Variants in PLTP observed in about 807,000 individuals in gnomAD.
PLTP encodes BPI fold containing family E.
PLTP carries 43 observed loss-of-function variants against 54.1 expected under a neutral mutation model. The observed-to-expected ratio is 0.79, with a 90% confidence interval of 0.62 to 1.02. The LOEUF (loss-of-function observed/expected upper bound fraction) is 1.02, where lower values mean the gene tolerates loss of function less well. Among genes scored for constraint, PLTP ranks in the 50% least tolerant of loss-of-function variants. The probability of loss-of-function intolerance (pLI) is 0.00; values close to 1 mark genes in which losing one functional copy is unlikely to be tolerated. For synonymous variants in PLTP, 263 were observed against 264.6 expected (o/e 0.99, Z 0.06); for missense variants, 604 against 645.9 (o/e 0.94, Z 0.70).
intron 10 of PLTP, 87 bp downstream of exon 10, chr20:45,904,713 G>A (rs531104451): frequency 3.4e-5 from 42 of 1,221,322 alleles, no homozygotes; most frequent in Admixed American, 6.7e-5. Flanking sequence ...CCCTGTCTGC[G>A]TGGCTGCCAC....
chr20:45,902,978 A>C (rs1207183650), intron 10 of PLTP, among the ~76,000 whole-genome samples: 1 of 152,040 alleles, frequency 6.6e-6, no homozygotes, highest in East Asian at 1.9e-4. Context: ...ATCTCGGCTC[A>C]CTGCAACTCT....
At chr20:45,906,133 C>T in intron 8 of PLTP, 135 bp downstream of exon 8, 1 of 724,878 alleles carries the variant, frequency 1.4e-6, no homozygotes, top group Non-Finnish European at 2.5e-6. Flanking sequence ...TCTGTAGTAA[C>T]AGGGAGCCAT....
chr20:45,899,159 A>G (rs2083148656), intron 15 of PLTP, 96 bp from the exon 16 acceptor site: 2 of 1,516,082 alleles, frequency 1.3e-6, no homozygotes, highest in South Asian at 1.1e-5. Context: ...CAGGAACTCA[A>G]TCTAATGGAT....
intron 12 of PLTP, among the ~76,000 whole-genome samples, chr20:45,901,174 CTATT>C (rs1171322064): frequency 3.9e-5 from 6 of 152,194 alleles, no homozygotes; most frequent in South Asian, 2.1e-4. Context: ...AACTGAAAAA[CTATT>C]TAATTATAAT....
rs2083227010 is a variant in PLTP, at chr20:45,905,074, G to C, written c.750C>G (p.Asn250Lys). Residue 250 changes from asparagine to lysine, a missense_variant, in exon 9 of 16, where the codon AAC (asparagine) becomes AAG (lysine). Transcript: ENST00000372431. Reference sequence around the variant, plus strand: ...CCTGCAGCTGGGGCTCCACTGCCCGGTTGGGGAGGCTCCAGTTCCTCTCAG... The same window carrying C: ...CCTGCAGCTGGGGCTCCACTGCCCGCTTGGGGAGGCTCCAGTTCCTCTCAG... ...PLTERNWSLP[N>K]RAVEPQLQEE... is the part of the protein sequence containing the mutation. 6.2e-7 allele frequency: 1 copy of C among 1,614,100 alleles called. No individual in the cohort carries two copies. The highest frequency in any genetic ancestry group is 1.3e-5 in the African/African-American group (1 of 74,946).
At chr20:45,909,130 A>T (rs1454099429) in intron 5 of PLTP, among the ~76,000 whole-genome samples, 2 of 151,778 alleles carry the variant, frequency 1.3e-5, no homozygotes, top group African/African-American at 4.8e-5. Flanking sequence ...ACGCCCAGCT[A>T]ATTTTTGTAT....
chr20:45,903,063 C>T (rs776317193), intron 10 of PLTP, among the ~76,000 whole-genome samples: 2 of 152,134 alleles, frequency 1.3e-5, no homozygotes, highest in South Asian at 2.1e-4. Flanking sequence ...CCGCCATGCC[C>T]GGCTAAGTTT....
At position 45,911,416 on chromosome 20, in the gene PLTP, C is replaced by T; in HGVS notation, c.37G>A (p.Ala13Thr). ...LFGALFLALLAGAHAEFPGCK... is the reference protein window; with the variant it reads ...LFGALFLALLTGAHAEFPGCK... The stretch of plus-strand genomic sequence containing the variant: ...CCTGGGAACTCTGCATGTGCGCCTG[C>T]CAGCAGCGCTAGGAAGAGGGCCCCG... The change falls in exon 2 of 16, where the codon GCA becomes ACA. Residue 13 changes from alanine (A) to threonine (T), a missense_variant. By Grantham distance (58) the Ala-to-Thr change is moderately conservative (BLOSUM62 0). Transcript: ENST00000372431. 3 of 1,608,090 alleles carry T rather than the reference C, an allele frequency of 1.9e-6. No individual in the cohort carries two copies. The South Asian group carries it at 3.3e-5, about 18-fold the overall frequency.
chr20:45,911,041 C>T lies in PLTP; in HGVS notation c.200+111G>A, dbSNP rs1027023759. The T allele has an allele frequency of 1.0e-5, 16 of 1,606,754 alleles. No individual in the cohort carries two copies. In the African/African-American group the frequency reaches 2.1e-4, roughly 22 times the overall value. ...CTTAAGTCTTGCCTCATCGATTTGGCCACGCCCCATCCCACTCAGCCTCCA... is the reference window on the plus strand; with the variant it reads ...CTTAAGTCTTGCCTCATCGATTTGGTCACGCCCCATCCCACTCAGCCTCCA... On this transcript the variant is annotated intron_variant, in intron 3 of 15. Transcript: ENST00000372431.
chr20:45,904,857 C>A lies in PLTP; in HGVS notation c.885G>T (p.Val295=), dbSNP rs200706929. Residue 295 remains valine, a splice_region_variant and synonymous_variant, in exon 10 of 16, where the codon GTG becomes GTT. Coordinates refer to ENST00000372431, the MANE Select transcript of PLTP (RefSeq NM_006227.4). ...TCAGCAGCATGTCCAGGTCGTGGGGCACCTGAACAGGGGAATCAGGAGTGA... is the reference window on the plus strand; with the variant it reads ...TCAGCAGCATGTCCAGGTCGTGGGGAACCTGAACAGGGGAATCAGGAGTGA... ...ALQLLLVGDK[V]PHDLDMLLRA... The A allele has an allele frequency of 3.1e-6, 5 of 1,614,232 alleles. No homozygotes were observed. In the South Asian group the frequency reaches 4.4e-5, roughly 14 times the overall value.
chr20:45,902,753 C>G, intron 10 of PLTP, 149 bp from the exon 11 acceptor site: 1 of 747,916 alleles, frequency 1.3e-6, no homozygotes. Flanking sequence ...CCAAAACTCT[C>G]ACATCTGCAT....
rs182980523 is a variant in PLTP at position 45,906,845 on chromosome 20, T to C, written c.614-486A>G. On this transcript the variant is annotated intron_variant, in intron 7 of 15. Transcript: ENST00000372431. ...GGTGGAGGTTGCAGGGAGCCAGGAT[T>C]GCACCACTGCACTCCAGCCTGGGTG... 8.0e-4 allele frequency among the ~76,000 whole-genome samples: 78 copies of C among 98,048 alleles called. 5 individuals carry two copies. The highest frequency in any genetic ancestry group is 2.5e-3 in the African/African-American group (76 of 30,984). 64.3% of individuals were successfully genotyped at this position (98,048 alleles called of 152,430 possible). A position where few individuals can be genotyped will look rare whatever the true frequency, so the allele number is the denominator to read the frequency against.
chr20:45,910,795 T>C, intron 3 of PLTP: 1 of 1,182,064 alleles, frequency 8.5e-7, no homozygotes, highest in Non-Finnish European at 1.1e-6. Flanking sequence ...AGCCTTCAGT[T>C]TCTCCACCCC....
chr20:45,910,964 T>C (rs1390781729), intron 3 of PLTP, 188 bp downstream of exon 3: 1 of 1,474,916 alleles, frequency 6.8e-7, no homozygotes. Context: ...ATCTGCCTGG[T>C]CCCGCCTATG....
chr20:45,911,109 CCGAGGCCCCGCCCCGGATCG>C (rs763329388), intron 3 of PLTP, 23 bp downstream of exon 3: 45 of 1,610,640 alleles, frequency 2.8e-5, no homozygotes, highest in East Asian at 4.5e-5. Context: ...GCCTCCACCG[CCGAGGCCCCGCCCCGGATCG>C]CGAGGCCCCG....
chr20:45,911,198 G>T lies in PLTP; in HGVS notation c.154C>A (p.Pro52Thr). 1 of 1,614,176 alleles carries T rather than the reference G, an allele frequency of 6.2e-7. No individual in the cohort carries two copies. The highest frequency in any genetic ancestry group is 8.5e-7 in the Non-Finnish European group (1 of 1,180,016). Reference protein sequence around the residue: ...LEQELETITIPDLRGKEGHFY... With the variant: ...LEQELETITITDLRGKEGHFY... ...TGGCCTTCTTTGCCCCGCAGGTCCG[G>T]AATGGTGATAGTCTCCAGCTCTTGC... Residue 52 changes from proline to threonine, a missense_variant, in exon 3 of 16, where the codon CCG (proline) becomes ACG (threonine). Coordinates refer to ENST00000372431, the MANE Select transcript of PLTP (RefSeq NM_006227.4).
In PLTP at chr20:45,898,754, C is replaced by A; in HGVS notation, c.*187G>T. 1.4e-6 allele frequency: 1 copy of A among 734,396 alleles called. No individual in the cohort carries two copies. Among genetic ancestry groups the A allele is most frequent in the Non-Finnish European group, 2.2e-6 (1 of 451,684 alleles). 45.5% of individuals were successfully genotyped at this position (734,396 alleles called of 1,614,324 possible). ...ACCCAACAGAGCTCAGGACAGCCCA[C>A]AGGGAGGTGGTGGACGGACTGTAAT... On this transcript the variant is annotated 3_prime_UTR_variant, in exon 16 of 16. Coordinates refer to ENST00000372431, the MANE Select transcript of PLTP (RefSeq NM_006227.4). This position sits in a 1 kb window ranked among gnomAD's most constrained non-coding sequence, Gnocchi z 4.6.
intron 10 of PLTP, among the ~76,000 whole-genome samples, 195 bp downstream of exon 10, chr20:45,904,602 AAGG>A (rs1392978548): frequency 6.6e-6 from 1 of 152,062 alleles, no homozygotes; most frequent in African/African-American, 2.4e-5. Flanking sequence ...CAGCTCTGCG[AAGG>A]AGATGGGGCA....
In PLTP at chr20:45,899,527, G is replaced by A. The variant is rs772104731; in HGVS notation, c.1294C>T (p.Arg432Cys). The A allele has an allele frequency of 1.2e-5, 20 of 1,613,998 alleles. No homozygotes were observed. The highest frequency in any genetic ancestry group is 6.7e-5 in the African/African-American group (5 of 74,900). ...TCAGGTAGTGGGATCTGCACCCCAC[G>A]CCAGGTCCGCTCTGTGGGTGGGAGC... ...VMPMLNERTW[R>C]GVQIPLPEGI... The change falls in exon 15 of 16, where the codon CGT becomes TGT. Residue 432 changes from arginine (R) to cysteine (C), a missense_variant. Transcript: ENST00000372431.
Sources: allele counts gnomAD v4.1 joint callset (sites outside exome capture counted in the v4.1 genomes callset), GRCh38; gene constraint gnomAD v4.1.1; non-coding constraint Gnocchi (gnomAD v3.1); transcripts MANE v1.5; gene names NCBI Gene and HGNC (gene_info 2026-07-23, HGNC 2026-07-21).